The following GRIP1 variants were observed in gnomAD, a reference collection of about 807,000 sequenced individuals.
The protein encoded by GRIP1 is glutamate receptor-interacting protein 1.
GRIP1 carries 45 observed loss-of-function variants against 129.9 expected under a neutral mutation model. That is an observed-to-expected ratio of 0.35 (90% CI 0.27 to 0.44). The LOEUF (loss-of-function observed/expected upper bound fraction) is 0.44, where lower values mean the gene tolerates loss of function less well. GRIP1 is among the 20% of genes least tolerant of loss of function. The pLI, the probability that GRIP1 is intolerant of heterozygous loss-of-function variation, is 1.00. For missense variants in GRIP1, 1,196 were observed against 1,396.8 expected (o/e 0.86, Z 2.29); for synonymous variants, 530 against 520.8 (o/e 1.02, Z -0.24).
chr12:66,958,415 G>A (rs2041874827), intron 1 of GRIP1, among the ~76,000 whole-genome samples: 1 of 152,122 alleles, frequency 6.6e-6, no homozygotes, highest in Admixed American at 6.6e-5. Flanking sequence ...TAGAAGCGTG[G>A]GCCACCATAC....
At chr12:66,528,935 G>T (rs1235891888) in intron 5 of GRIP1, among the ~76,000 whole-genome samples, 1 of 151,998 alleles carries the variant, frequency 6.6e-6, no homozygotes, top group Non-Finnish European at 1.5e-5. Flanking sequence ...GGAACTCAAA[G>T]AAATTAGCAA....
chr12:66,828,601 T>C (rs1235015566), intron 1 of GRIP1, among the ~76,000 whole-genome samples: 1 of 152,210 alleles, frequency 6.6e-6, no homozygotes, highest in Admixed American at 6.5e-5. Flanking sequence ...TGGAATCAAG[T>C]ACGATTTACC....
intron 1 of GRIP1, among the ~76,000 whole-genome samples, chr12:66,652,142 A>G (rs1268736116): frequency 1.3e-5 from 2 of 152,152 alleles, no homozygotes; most frequent in African/African-American, 2.4e-5. Context: ...AGTAGCAGCT[A>G]TGGGAGTGAA....
At chr12:66,390,082 C>T (rs1017437887) in intron 19 of GRIP1, among the ~76,000 whole-genome samples, 1 of 152,166 alleles carries the variant, frequency 6.6e-6, no homozygotes, top group Admixed American at 6.5e-5. Flanking sequence ...TTAGAGTCAT[C>T]AGAGCTACGT....
intron 1 of GRIP1, among the ~76,000 whole-genome samples, chr12:66,989,746 T>C (rs1280075507): frequency 1.3e-5 from 2 of 152,164 alleles, no homozygotes; most frequent in East Asian, 1.9e-4. Context: ...ATGGAAGATA[T>C]TAACTTGTTT....
chr12:66,676,885 C>A (rs1327160785), intron 1 of GRIP1, among the ~76,000 whole-genome samples: 1 of 152,112 alleles, frequency 6.6e-6, no homozygotes, highest in African/African-American at 2.4e-5. Context: ...CTCAATGAAT[C>A]CACTTTGGAA....
intron 1 of GRIP1, among the ~76,000 whole-genome samples, chr12:66,708,441 A>G (rs1334914814): frequency 4.6e-5 from 7 of 151,976 alleles, no homozygotes; most frequent in Non-Finnish European, 7.4e-5. Flanking sequence ...TACTAGAATT[A>G]TATTTTGTTA....
chr12:66,857,228 TG>T (rs1263082887), intron 1 of GRIP1, among the ~76,000 whole-genome samples: 1 of 102,118 alleles, frequency 9.8e-6, no homozygotes, highest in East Asian at 2.9e-4. Flanking sequence ...TGTTGTGGGG[TG>T]GGGGGAAGGG....
At chr12:66,601,248 T>C (rs2064262025) in intron 1 of GRIP1, among the ~76,000 whole-genome samples, 3 of 152,196 alleles carry the variant, frequency 2.0e-5, no homozygotes, top group South Asian at 2.1e-4. Context: ...ATGAAGCTGG[T>C]GTTTATAAAC....
At chr12:66,631,618 T>C (rs1358766953) in intron 1 of GRIP1, among the ~76,000 whole-genome samples, 2 of 143,412 alleles carry the variant, frequency 1.4e-5, no homozygotes, top group Non-Finnish European at 3.1e-5. Flanking sequence ...TCTTTCTCTC[T>C]CTCTCTTTTT....
chr12:67,049,485 C>A (rs2043306823), intron 1 of GRIP1, among the ~76,000 whole-genome samples: 1 of 152,128 alleles, frequency 6.6e-6, no homozygotes, highest in African/African-American at 2.4e-5. Flanking sequence ...ACCGCGTGTT[C>A]CCACTCACAA....
intron 1 of GRIP1, among the ~76,000 whole-genome samples, chr12:66,723,239 T>TCTCTCTTCCTTCCTTC (rs1555230329): frequency 4.2e-5 from 1 of 23,600 alleles, no homozygotes; most frequent in Non-Finnish European, 6.8e-5. Context: ...TCTCTCTCTC[T>TCTCTCTTCCTTCCTTC]CTTCCTTCCT....
At chr12:67,041,523 T>C (rs1472676241) in intron 1 of GRIP1, among the ~76,000 whole-genome samples, 1 of 152,094 alleles carries the variant, frequency 6.6e-6, no homozygotes, top group Non-Finnish European at 1.5e-5. Context: ...TCCTCTAATT[T>C]CAACTACAAA....
chr12:66,581,817 A>T (rs1592593591), intron 2 of GRIP1, among the ~76,000 whole-genome samples: 1 of 152,294 alleles, frequency 6.6e-6, no homozygotes, highest in East Asian at 1.9e-4. Flanking sequence ...GCCGAATTCT[A>T]CCAGAGGTAC....
At chr12:66,800,955 A>T (rs924707401) in intron 1 of GRIP1, among the ~76,000 whole-genome samples, 3 of 152,148 alleles carry the variant, frequency 2.0e-5, no homozygotes, top group African/African-American at 7.2e-5. Flanking sequence ...ATTCAGTGAT[A>T]GATTATGACC....
intron 1 of GRIP1, chr12:66,803,870 T>C (rs1441963604): frequency 9.8e-6 from 3 of 306,980 alleles, no homozygotes; most frequent in African/African-American, 4.3e-5. Flanking sequence ...ACTGTCTAGA[T>C]GCTATTATCT....
Position 66,995,074 on chromosome 12 carries a change from C to T in GRIP1, c.58+73976G>A, listed in dbSNP as rs182965514. Among the ~76,000 whole-genome samples, 43 of 151,468 alleles carry T rather than the reference C, an allele frequency of 2.8e-4. No individual in the cohort carries two copies. The South Asian group carries it at 3.1e-3, about 11-fold the overall frequency. On this transcript the variant is annotated intron_variant, in intron 1 of 1. Coordinates refer to the GRIP1 transcript ENST00000643019. ...ATAAATTTATTTTCAATAAGGATGC[C>T]GAGACATCTCAATGGGGAAAAAACA...
chr12:66,578,978 AC>A (rs2063255971), intron 2 of GRIP1, among the ~76,000 whole-genome samples: 1 of 152,102 alleles, frequency 6.6e-6, no homozygotes, highest in African/African-American at 2.4e-5. Flanking sequence ...CTGACCCCTG[AC>A]CCCTGAGCAG....
chr12:66,684,722 G>A (rs1167526482), intron 1 of GRIP1, among the ~76,000 whole-genome samples: 2 of 152,104 alleles, frequency 1.3e-5, no homozygotes, highest in Admixed American at 6.5e-5. Flanking sequence ...GTGCACACCT[G>A]TAATCCCAGC....
Sources: allele counts gnomAD v4.1 joint callset (sites outside exome capture counted in the v4.1 genomes callset), GRCh38; gene constraint gnomAD v4.1.1; transcripts MANE v1.5; gene names NCBI Gene and HGNC (gene_info 2026-07-23, HGNC 2026-07-21).